Variants in RASSF3 observed in about 807,000 individuals in gnomAD.
RASSF3 encodes the protein Ras association domain family member 3, also known as ras association domain-containing protein 3.
RASSF3 carries 19 observed loss-of-function variants against 19.9 expected under a neutral mutation model. The ratio of observed to expected loss-of-function variants is 0.96; its 90% CI spans 0.67 to 1.40. The LOEUF is 1.40. RASSF3 is among the 40% of genes most tolerant of loss of function. The probability of loss-of-function intolerance (pLI) is 0.00; values close to 1 mark genes in which losing one functional copy is unlikely to be tolerated. For missense variants in RASSF3, 306 were observed against 289.8 expected (o/e 1.06, Z -0.41); for synonymous variants, 110 against 104.2 (o/e 1.06, Z -0.34).
At chr12:64,539,735 A>T (rs917717349) in intron 1 of RASSF3, among the ~76,000 whole-genome samples, 4 of 152,156 alleles carry the variant, frequency 2.6e-5, no homozygotes, top group African/African-American at 9.7e-5. Flanking sequence ...GTGATTGCCC[A>T]CTGCACTCCA....
intron 1 of RASSF3, among the ~76,000 whole-genome samples, chr12:64,668,532 G>A (rs1040397856): frequency 2.6e-5 from 4 of 151,996 alleles, no homozygotes; most frequent in Non-Finnish European, 4.4e-5. Context: ...CTTAGGCTTC[G>A]AAAATGCTGG....
intron 1 of RASSF3, among the ~76,000 whole-genome samples, chr12:64,659,724 G>C (rs1453343071): frequency 6.6e-6 from 1 of 152,036 alleles, no homozygotes; most frequent in Non-Finnish European, 1.5e-5. Context: ...GAGGTGGGCA[G>C]ATCTCTTGAG....
At chr12:64,676,535 A>C (rs1245422487) in intron 1 of RASSF3, among the ~76,000 whole-genome samples, 6 of 134,182 alleles carry the variant, frequency 4.5e-5, no homozygotes, top group Non-Finnish European at 9.2e-5. Flanking sequence ...GCAGTGGCAC[A>C]ATTTTGGCTC....
At chr12:64,670,064 T>G (rs889265987) in intron 1 of RASSF3, among the ~76,000 whole-genome samples, 9 of 151,994 alleles carry the variant, frequency 5.9e-5, no homozygotes, top group African/African-American at 2.2e-4. Flanking sequence ...AGCTTTTTTA[T>G]TTTACAGATA....
intron 2 of RASSF3, among the ~76,000 whole-genome samples, chr12:64,591,869 CT>C (rs1280901870): frequency 2.0e-5 from 3 of 151,678 alleles, no homozygotes; most frequent in Non-Finnish European, 2.9e-5. Context: ...CTCTATCCCC[CT>C]ACAAATAACT....
chr12:64,640,326 G>A (rs1214939863), intron 1 of RASSF3, among the ~76,000 whole-genome samples: 1 of 152,092 alleles, frequency 6.6e-6, no homozygotes, highest in Non-Finnish European at 1.5e-5. Flanking sequence ...CACTTAACAT[G>A]AGATTGACCC....
chr12:64,594,803 C>T (rs1468157147), intron 2 of RASSF3, among the ~76,000 whole-genome samples: 1 of 151,956 alleles, frequency 6.6e-6, no homozygotes, highest in African/African-American at 2.4e-5. Flanking sequence ...GTGGGTTTTG[C>T]TATGTTACCC....
At chr12:64,592,685 G>A (rs971506264) in intron 2 of RASSF3, among the ~76,000 whole-genome samples, 9 of 152,102 alleles carry the variant, frequency 5.9e-5, no homozygotes, top group Admixed American at 4.6e-4. Context: ...TGCCCAGGCT[G>A]ATGTACAGTG....
chr12:64,674,556 G>A (rs1165881220), intron 1 of RASSF3, among the ~76,000 whole-genome samples: 1 of 152,198 alleles, frequency 6.6e-6, no homozygotes, highest in African/African-American at 2.4e-5. Context: ...ACCTCAGCCT[G>A]GGCGACAGAG....
At chr12:64,554,492 A>G (rs1398087819) in intron 2 of RASSF3, among the ~76,000 whole-genome samples, 2 of 152,126 alleles carry the variant, frequency 1.3e-5, no homozygotes, top group African/African-American at 4.8e-5. Flanking sequence ...TTTAGTAGAG[A>G]CAGGGTTTCG....
intron 1 of RASSF3, among the ~76,000 whole-genome samples, chr12:64,536,015 T>C (rs1868818539): frequency 1.1e-5 from 1 of 92,436 alleles, no homozygotes. Context: ...TTTTTTTTTT[T>C]TGAGACGGAG....
chr12:64,582,454 A>C (rs892977558), intron 2 of RASSF3, among the ~76,000 whole-genome samples: 12 of 152,156 alleles, frequency 7.9e-5, no homozygotes, highest in African/African-American at 2.9e-4. Context: ...GAAAAGCTTT[A>C]CTATTTTCTT....
chr12:64,695,105 G>A lies in RASSF3; in HGVS notation c.*193G>A, dbSNP rs1868336117. The A allele has an allele frequency of 1.7e-6, 1 of 575,530 alleles. No individual in the cohort carries two copies. The allele number at this position is 575,530 out of a possible 1,614,324, so 35.7% of individuals were successfully genotyped here. ...GCGTCCCATGTAAGGGACTCTGCAA[G>A]CTTGTTGTTCAGCACCGCAGTGTTA... On this transcript the variant is annotated 3_prime_UTR_variant, in exon 5 of 5. Transcript: ENST00000542104.
intron 1 of RASSF3, among the ~76,000 whole-genome samples, chr12:64,525,253 C>T (rs1404258400): frequency 6.6e-6 from 1 of 151,904 alleles, no homozygotes; most frequent in Non-Finnish European, 1.5e-5. Context: ...TCCATCTGGG[C>T]GATAGAGTGA....
chr12:64,559,484 T>C (rs1869312376), intron 2 of RASSF3, among the ~76,000 whole-genome samples: 2 of 152,094 alleles, frequency 1.3e-5, no homozygotes, highest in Non-Finnish European at 2.9e-5. Flanking sequence ...TTAGCCAGGA[T>C]GGTCTCGATC....
At chr12:64,601,749 G>T (rs957946842) in intron 2 of RASSF3, among the ~76,000 whole-genome samples, 1 of 152,026 alleles carries the variant, frequency 6.6e-6, no homozygotes, top group South Asian at 2.1e-4. Context: ...GGAGGGGGAG[G>T]CTTCAGTGAG....
intron 1 of RASSF3, among the ~76,000 whole-genome samples, chr12:64,677,654 A>C (rs1872957437): frequency 6.6e-6 from 1 of 152,152 alleles, no homozygotes; most frequent in African/African-American, 2.4e-5. Context: ...TAAATACAAA[A>C]CTGTCCCAGG....
chr12:64,616,134 G>A (rs1870543930), intron 1 of RASSF3, among the ~76,000 whole-genome samples: 1 of 152,116 alleles, frequency 6.6e-6, no homozygotes. Flanking sequence ...TTTTGTGTTT[G>A]TGTGAGCAAG....
rs115709821 is a variant in RASSF3 at position 64,690,509 on chromosome 12, T to C, written c.458-961T>C. Among the ~76,000 whole-genome samples the C allele has an allele frequency of 3.4e-3, 512 of 152,038 alleles. 4 individuals carry two copies. The highest frequency in any genetic ancestry group is 0.012 in the African/African-American group (501 of 41,458). On this transcript the variant is annotated intron_variant, in intron 3 of 4. Coordinates refer to ENST00000542104, the MANE Select transcript of RASSF3 (RefSeq NM_178169.4). ...CTTGGTTTTTGAGACAGCGTCTTACTCTGTCACCTAGGCTGGAGTACCATG... is the reference window on the plus strand; with the variant it reads ...CTTGGTTTTTGAGACAGCGTCTTACCCTGTCACCTAGGCTGGAGTACCATG...
Sources: gnomAD v4.1 joint callset for allele counts (sites outside exome capture counted in the v4.1 genomes callset) on GRCh38, gnomAD v4.1.1 for gene constraint, MANE v1.5 for transcripts, NCBI Gene and HGNC (gene_info 2026-07-23, HGNC 2026-07-21) for gene names.